LSM12: variants seen among roughly 807,000 people sequenced by gnomAD.
The protein encoded by LSM12 is LSM12 homolog, also known as protein LSM12.
For synonymous variants in LSM12, 74 were observed against 87.3 expected (o/e 0.85, Z 0.85); for missense variants, 108 against 238.9 (o/e 0.45, Z 3.61).
At chr17:44,053,034 G>A (rs1289608851) in intron 2 of LSM12, among the ~76,000 whole-genome samples, 2 of 152,130 alleles carry the variant, frequency 1.3e-5, no homozygotes, top group African/African-American at 2.4e-5. Context: ...CTAAATTGCA[G>A]AGGTGGACAA....
At chr17:44,065,159 G>C (rs935846069) in intron 1 of LSM12, among the ~76,000 whole-genome samples, 2 of 151,692 alleles carry the variant, frequency 1.3e-5, no homozygotes, top group East Asian at 1.9e-4. Context: ...AAAAAAAGCC[G>C]GGCGGTGGCT....
In LSM12 at chr17:44,050,043, C is replaced by T. The variant is rs374726503; in HGVS notation, c.259-9787G>A. ...GCAAAGAACTGTCATCGTAAGGGCC[C>T]TTGCATGTTCCCTATGTTTTGAATC... On this transcript the variant is annotated intron_variant, in intron 2 of 4. Coordinates refer to ENST00000293406, the MANE Select transcript of LSM12 (RefSeq NM_001371445.1). Among the ~76,000 whole-genome samples the T allele has an allele frequency of 1.2e-4, 18 of 152,300 alleles. No homozygotes were observed. In the South Asian group the frequency reaches 3.5e-3, roughly 30 times the overall value.
At position 44,040,479 on chromosome 17, in the gene LSM12, T is replaced by C. The variant is rs545349495; in HGVS notation, c.259-223A>G. ...TTCCTTCCTTCTAATACTTACTGCA[T>C]ACCTACCATGTGCCAGACATTCACT... On this transcript the variant is annotated intron_variant, in intron 2 of 4. Coordinates refer to ENST00000293406, the MANE Select transcript of LSM12 (RefSeq NM_001371445.1). 13 of 458,580 alleles carry C rather than the reference T, an allele frequency of 2.8e-5. No individual in the cohort carries two copies. In the Admixed American group the frequency reaches 4.0e-4, roughly 14 times the overall value. 28.4% of individuals were successfully genotyped at this position (458,580 alleles called of 1,614,324 possible).
chr17:44,058,191 C>T (rs922689004), intron 2 of LSM12, among the ~76,000 whole-genome samples: 3 of 150,748 alleles, frequency 2.0e-5, no homozygotes, highest in Admixed American at 1.3e-4. Flanking sequence ...GAGCCGAGAT[C>T]GCGCCACTGC....
intron 2 of LSM12, among the ~76,000 whole-genome samples, chr17:44,042,161 C>T (rs2049503606): frequency 1.3e-5 from 2 of 151,970 alleles, no homozygotes; most frequent in African/African-American, 4.8e-5. Context: ...GTGGTGTGCA[C>T]CTGTAATCCC....
chr17:44,051,299 G>A (rs1412355575), intron 2 of LSM12, among the ~76,000 whole-genome samples: 1 of 150,372 alleles, frequency 6.7e-6, no homozygotes, highest in Non-Finnish European at 1.5e-5. Context: ...GCTGAGGCAG[G>A]AGAATCGCTT....
chr17:44,058,789 G>A (rs905688169), intron 2 of LSM12, among the ~76,000 whole-genome samples: 6 of 151,998 alleles, frequency 3.9e-5, no homozygotes, highest in East Asian at 1.9e-4. Flanking sequence ...CCGAGATCAC[G>A]GCACCACCGC....
rs1363537758 is a variant in LSM12, at chr17:44,066,637, A to C, written c.-50T>G. 20 of 1,298,352 alleles carry C rather than the reference A, an allele frequency of 1.5e-5. No individual in the cohort carries two copies. The highest frequency in any genetic ancestry group is 1.9e-5 in the Non-Finnish European group (19 of 1,019,946). The allele number at this position is 1,298,352 out of a possible 1,614,324, so 80.4% of individuals were successfully genotyped here. On this transcript the variant is annotated 5_prime_UTR_variant, in exon 1 of 5. Coordinates refer to ENST00000293406, the MANE Select transcript of LSM12 (RefSeq NM_001371445.1). ...GGCGGCGGCGGCAGCAGCGGGCGAAAGCCGGGCCCCCAGTGAGCGCCGCGA... is the reference window on the plus strand; with the variant it reads ...GGCGGCGGCGGCAGCAGCGGGCGAACGCCGGGCCCCCAGTGAGCGCCGCGA...
rs1229448210 is a variant in LSM12 at position 44,034,502 on chromosome 17, GAGTCCTCGGGGGTGAAAAGAGAGGGTA to G, written c.*1679_*1705del. The G allele has an allele frequency of 6.6e-6, 1 of 152,384 alleles. No individual in the cohort carries two copies. The highest frequency in any genetic ancestry group is 6.6e-5 in the Admixed American group (1 of 15,260). 9.4% of individuals were successfully genotyped at this position (152,384 alleles called of 1,614,324 possible). A position where few individuals can be genotyped will look rare whatever the true frequency, so the allele number is the denominator to read the frequency against. On this transcript the variant is annotated 3_prime_UTR_variant, in exon 5 of 5. Coordinates refer to ENST00000293406, the MANE Select transcript of LSM12 (RefSeq NM_001371445.1). ...TATACCCTGCATTATATTTCTGGAT[GAGTCCTCGGGGGTGAAAAGAGAGGGTA>G]AATAGTAGGAAGAAGAGACTCTAAA...
intron 2 of LSM12, among the ~76,000 whole-genome samples, chr17:44,059,243 C>T (rs1050766519): frequency 2.0e-5 from 3 of 152,104 alleles, no homozygotes; most frequent in Admixed American, 6.6e-5. Flanking sequence ...ATTCAGGGTA[C>T]TTCATGTTGC....
At chr17:44,052,077 C>T (rs1188640561) in intron 2 of LSM12, among the ~76,000 whole-genome samples, 3 of 151,922 alleles carry the variant, frequency 2.0e-5, no homozygotes, top group East Asian at 1.9e-4. Context: ...TACTGCACTC[C>T]AGCCTGGGTG....
chr17:44,063,396 C>T (rs575020377), intron 2 of LSM12, among the ~76,000 whole-genome samples: 2 of 152,120 alleles, frequency 1.3e-5, no homozygotes, highest in East Asian at 1.9e-4. Context: ...TGAAACCCTC[C>T]GAGAATCTGA....
chr17:44,056,132 G>A (rs1019966077), intron 2 of LSM12, among the ~76,000 whole-genome samples: 2 of 151,804 alleles, frequency 1.3e-5, no homozygotes, highest in Middle Eastern at 3.2e-3. Flanking sequence ...AATTAGCCGG[G>A]CATGCTGGTG....
intron 2 of LSM12, among the ~76,000 whole-genome samples, chr17:44,056,432 T>C (rs1295227341): frequency 6.6e-6 from 1 of 151,768 alleles, no homozygotes; most frequent in Non-Finnish European, 1.5e-5. Flanking sequence ...AGTAAGACCA[T>C]GTCTCTACTC....
At chr17:44,065,882 C>T (rs2049867094) in intron 1 of LSM12, among the ~76,000 whole-genome samples, 2 of 152,136 alleles carry the variant, frequency 1.3e-5, no homozygotes, top group African/African-American at 2.4e-5. Flanking sequence ...CACACATACA[C>T]ACGCATCAGC....
intron 2 of LSM12, among the ~76,000 whole-genome samples, chr17:44,058,031 T>C (rs1272802689): frequency 6.6e-6 from 1 of 151,610 alleles, no homozygotes; most frequent in East Asian, 1.9e-4. Context: ...GGTCAGGAGA[T>C]TGAGACCATC....
At chr17:44,060,544 CAAAGA>C (rs1396352431) in intron 2 of LSM12, among the ~76,000 whole-genome samples, 1 of 152,148 alleles carries the variant, frequency 6.6e-6, no homozygotes, top group East Asian at 1.9e-4. Flanking sequence ...AAACGAAATC[CAAAGA>C]TAACCCTCCA....
chr17:44,039,598 G>T (rs968145863), intron 3 of LSM12, among the ~76,000 whole-genome samples: 2 of 143,500 alleles, frequency 1.4e-5, no homozygotes, highest in Non-Finnish European at 3.0e-5. Context: ...AGCCAGGATG[G>T]TCTCGATCTC....
intron 2 of LSM12, among the ~76,000 whole-genome samples, chr17:44,045,741 GTTGTATTTTT>G (rs937122724): frequency 2.7e-5 from 4 of 150,918 alleles, no homozygotes; most frequent in African/African-American, 9.7e-5. Flanking sequence ...CAGCTAAGGT[GTTGTATTTTT>G]TTGTAGAGAC....
Sources: allele counts gnomAD v4.1 joint callset (sites outside exome capture counted in the v4.1 genomes callset), GRCh38; gene constraint gnomAD v4.1.1; transcripts MANE v1.5; gene names NCBI Gene and HGNC (gene_info 2026-07-23, HGNC 2026-07-21).